NSMCE2: variants seen among roughly 807,000 people sequenced by gnomAD.
The protein encoded by NSMCE2 is E3 SUMO-protein ligase NSE2.
In NSMCE2, 24 loss-of-function variants were observed where a neutral mutation model predicts 23.8. That is an observed-to-expected ratio of 1.01 (90% CI 0.73 to 1.42). The LOEUF is 1.42. Among genes scored for constraint, NSMCE2 ranks in the 40% most tolerant of loss-of-function variants. NSMCE2 has a pLI of 0.00. For missense variants in NSMCE2, 284 were observed against 296.5 expected (o/e 0.96, Z 0.31); for synonymous variants, 92 against 94.1 (o/e 0.98, Z 0.13).
At chr8:125,174,158 T>C (rs1822358696) in intron 4 of NSMCE2, among the ~76,000 whole-genome samples, 1 of 152,114 alleles carries the variant, frequency 6.6e-6, no homozygotes, top group Non-Finnish European at 1.5e-5. Flanking sequence ...TCCCAACACT[T>C]TTTATAGTTT....
chr8:125,174,858 G>A (rs1822400286), intron 4 of NSMCE2, among the ~76,000 whole-genome samples: 1 of 152,108 alleles, frequency 6.6e-6, no homozygotes, highest in Non-Finnish European at 1.5e-5. Flanking sequence ...GCTAAATAAT[G>A]GCACTAGGAA....
chr8:125,356,111 T>C (rs529483017), intron 5 of NSMCE2, among the ~76,000 whole-genome samples: 2 of 152,260 alleles, frequency 1.3e-5, no homozygotes, highest in African/African-American at 4.8e-5. Flanking sequence ...ATATGTGATA[T>C]TGTGACAGAT....
intron 5 of NSMCE2, among the ~76,000 whole-genome samples, chr8:125,331,006 TAAG>T (rs1379903149): frequency 6.6e-6 from 1 of 152,116 alleles, no homozygotes; most frequent in Non-Finnish European, 1.5e-5. Context: ...TGTCATATAT[TAAG>T]AAAGAAAGGT....
chr8:125,346,067 G>T (rs1830423829), intron 5 of NSMCE2, among the ~76,000 whole-genome samples: 1 of 152,172 alleles, frequency 6.6e-6, no homozygotes, highest in East Asian at 1.9e-4. Context: ...TGAGGCAGGA[G>T]AATCGCTTGA....
chr8:125,137,381 G>A (rs1820125461), intron 3 of NSMCE2, among the ~76,000 whole-genome samples: 1 of 152,100 alleles, frequency 6.6e-6, no homozygotes. Context: ...TTAACTTTCT[G>A]TTTTAAAGGA....
chr8:125,320,129 T>TCA (rs1408251504), intron 5 of NSMCE2, among the ~76,000 whole-genome samples: 1 of 142,696 alleles, frequency 7.0e-6, no homozygotes. Flanking sequence ...TGAGCCGAGA[T>TCA]CACACCACCA....
At chr8:125,148,353 C>T (rs1820802883) in intron 3 of NSMCE2, among the ~76,000 whole-genome samples, 1 of 152,116 alleles carries the variant, frequency 6.6e-6, no homozygotes, top group African/African-American at 2.4e-5. Context: ...TATATGGGAC[C>T]CTGTTAATGA....
chr8:125,332,834 G>A (rs10505454), intron 5 of NSMCE2, among the ~76,000 whole-genome samples: 138,185 of 152,294 alleles, frequency 0.91, 62,875 homozygotes, highest in African/African-American at 0.98. Context: ...GTGAGAAGCC[G>A]TTTAGTCTTA....
intron 3 of NSMCE2, among the ~76,000 whole-genome samples, chr8:125,114,136 C>T (rs1474189523): frequency 6.6e-6 from 1 of 152,064 alleles, no homozygotes; most frequent in Non-Finnish European, 1.5e-5. Context: ...GCAGCATGTC[C>T]TTCATCCCAC....
chr8:125,181,639 G>A (rs941185868), intron 4 of NSMCE2, among the ~76,000 whole-genome samples: 2 of 152,064 alleles, frequency 1.3e-5, no homozygotes, highest in Non-Finnish European at 2.9e-5. Context: ...GGAAGGTCAA[G>A]GCTAAAGCCC....
chr8:125,315,296 T>C (rs1282113060), intron 5 of NSMCE2, among the ~76,000 whole-genome samples: 1 of 152,142 alleles, frequency 6.6e-6, no homozygotes, highest in Non-Finnish European at 1.5e-5. Flanking sequence ...GCTGTTCCTT[T>C]ACCTCAAAGC....
intron 5 of NSMCE2, among the ~76,000 whole-genome samples, chr8:125,259,188 C>A (rs374732149): frequency 3.6e-4 from 54 of 151,874 alleles, no homozygotes; most frequent in African/African-American, 1.2e-3. Context: ...CTGTACCTGG[C>A]CTACTCACAG....
chr8:125,264,236 T>C (rs559382602), intron 5 of NSMCE2, among the ~76,000 whole-genome samples: 1 of 152,350 alleles, frequency 6.6e-6, no homozygotes, highest in South Asian at 2.1e-4. Flanking sequence ...ATTTCTTTTT[T>C]AATCTTAGCA....
At chr8:125,228,792 C>CT (rs1421127713) in intron 5 of NSMCE2, among the ~76,000 whole-genome samples, 1 of 152,172 alleles carries the variant, frequency 6.6e-6, no homozygotes, top group Non-Finnish European at 1.5e-5. Context: ...TGGCTCTGTG[C>CT]TAAGCTCCTT....
chr8:125,207,002 A>G (rs1362017922), intron 5 of NSMCE2, among the ~76,000 whole-genome samples: 2 of 152,178 alleles, frequency 1.3e-5, no homozygotes, highest in Admixed American at 1.3e-4. Flanking sequence ...TCTTAGTATC[A>G]TGTTCTTATT....
intron 5 of NSMCE2, among the ~76,000 whole-genome samples, chr8:125,253,655 A>G (rs1194427012): frequency 6.6e-6 from 1 of 152,196 alleles, no homozygotes; most frequent in South Asian, 2.1e-4. Context: ...TTTGTATTGT[A>G]AAGGCAGCAT....
At chr8:125,180,122 CT>C (rs1822725987) in intron 4 of NSMCE2, among the ~76,000 whole-genome samples, 1 of 152,176 alleles carries the variant, frequency 6.6e-6, no homozygotes, top group African/African-American at 2.4e-5. Flanking sequence ...TTTTGAACTT[CT>C]TGCATTTTGT....
chr8:125,201,302 T>C (rs113514482), intron 5 of NSMCE2, among the ~76,000 whole-genome samples: 2 of 152,264 alleles, frequency 1.3e-5, no homozygotes, highest in African/African-American at 4.8e-5. Context: ...CCCCATCTTT[T>C]TGGTTTTATC....
chr8:125,167,654 A>T (rs1302798281), intron 4 of NSMCE2, among the ~76,000 whole-genome samples: 1 of 152,194 alleles, frequency 6.6e-6, no homozygotes, highest in Non-Finnish European at 1.5e-5. Flanking sequence ...TTGCAAAGTC[A>T]ATCCTAAGGC....
Sources: gnomAD v4.1 joint callset for allele counts (sites outside exome capture counted in the v4.1 genomes callset) on GRCh38, gnomAD v4.1.1 for gene constraint, MANE v1.5 for transcripts, NCBI Gene and HGNC (gene_info 2026-07-23, HGNC 2026-07-21) for gene names.